The following PAPPA2 variants were observed in gnomAD, a reference collection of about 807,000 sequenced individuals.
The protein encoded by PAPPA2 is pappalysin-2.
PAPPA2 carries 86 observed loss-of-function variants against 176.4 expected under a neutral mutation model. That is an observed-to-expected ratio of 0.49 (90% CI 0.41 to 0.58). The LOEUF (loss-of-function observed/expected upper bound fraction) is 0.58. Among genes scored for constraint, PAPPA2 ranks in the 20% least tolerant of loss-of-function variants. PAPPA2 has a pLI of 0.00. For synonymous variants in PAPPA2, 809 were observed against 852.2 expected (o/e 0.95, Z 0.88); for missense variants, 2,073 against 2,256.9 (o/e 0.92, Z 1.65).
chr1:176,736,087 A>G lies in PAPPA2; in HGVS notation c.3799-3539A>G, dbSNP rs79567933. On this transcript the variant is annotated intron_variant, in intron 12 of 22. Coordinates refer to ENST00000367662, the MANE Select transcript of PAPPA2 (RefSeq NM_020318.3). Reference sequence around the variant, plus strand: ...TTTGATTTTTTCTTATGGGGCATCAATGATGCACATCTCAGATCTGAGTAG... The same window carrying G: ...TTTGATTTTTTCTTATGGGGCATCAGTGATGCACATCTCAGATCTGAGTAG... Among the ~76,000 whole-genome samples the G allele has an allele frequency of 3.7e-3, 557 of 152,234 alleles. 4 individuals are homozygous for G. Among genetic ancestry groups the G allele is most frequent in the Non-Finnish European group, 5.8e-3 (394 of 68,008 alleles).
chr1:176,596,285 C>A (rs370032194), intron 3 of PAPPA2, among the ~76,000 whole-genome samples: 1 of 152,198 alleles, frequency 6.6e-6, no homozygotes, highest in Non-Finnish European at 1.5e-5. Context: ...TGATACACAG[C>A]CTCTTAATGC....
intron 14 of PAPPA2, among the ~76,000 whole-genome samples, chr1:176,755,701 C>A (rs966780919): frequency 6.6e-6 from 1 of 152,092 alleles, no homozygotes; most frequent in Admixed American, 6.6e-5. Flanking sequence ...AGGAGAAAAG[C>A]ATTTAGAGTT....
intron 1 of PAPPA2, among the ~76,000 whole-genome samples, chr1:176,499,364 A>T (rs1026646460): frequency 6.6e-6 from 1 of 152,226 alleles, no homozygotes. Context: ...GTAGATAATA[A>T]TTGCCTTAAT....
intron 1 of PAPPA2, among the ~76,000 whole-genome samples, chr1:176,525,778 C>G: frequency 6.6e-6 from 1 of 152,286 alleles, no homozygotes; most frequent in African/African-American, 2.4e-5. Flanking sequence ...AGTCTGGGTC[C>G]CTCTGAAAGT....
chr1:176,696,571 A>G (rs1421195939), intron 7 of PAPPA2, among the ~76,000 whole-genome samples: 1 of 152,218 alleles, frequency 6.6e-6, no homozygotes, highest in Non-Finnish European at 1.5e-5. Flanking sequence ...TAATGCGCCT[A>G]AGACAAATTA....
At chr1:176,516,611 C>A (rs760971212) in intron 1 of PAPPA2, among the ~76,000 whole-genome samples, 1 of 152,130 alleles carries the variant, frequency 6.6e-6, no homozygotes, top group Non-Finnish European at 1.5e-5. Context: ...TTCTGTTCTT[C>A]CATCCCTTCT....
At chr1:176,575,337 T>C (rs1188817770) in intron 2 of PAPPA2, among the ~76,000 whole-genome samples, 1 of 152,224 alleles carries the variant, frequency 6.6e-6, no homozygotes, top group African/African-American at 2.4e-5. Flanking sequence ...ACATTGTCAT[T>C]ATTATTATAA....
intron 4 of PAPPA2, among the ~76,000 whole-genome samples, chr1:176,686,044 T>C (rs1268459549): frequency 2.6e-5 from 4 of 152,160 alleles, no homozygotes; most frequent in African/African-American, 9.7e-5. Flanking sequence ...TAAAACTCAT[T>C]TCCCTAATAA....
intron 17 of PAPPA2, among the ~76,000 whole-genome samples, chr1:176,778,652 T>G (rs1273753265): frequency 6.6e-6 from 1 of 152,212 alleles, no homozygotes; most frequent in Non-Finnish European, 1.5e-5. Flanking sequence ...CATAGCGGTG[T>G]GCCTATACAT....
intron 19 of PAPPA2, 111 bp downstream of exon 19, chr1:176,791,593 G>T: frequency 7.7e-7 from 1 of 1,297,140 alleles, no homozygotes. Flanking sequence ...TTGCTCTGTC[G>T]CCCAGGCTGG....
intron 3 of PAPPA2, among the ~76,000 whole-genome samples, chr1:176,601,579 G>A (rs1275952421): frequency 1.3e-5 from 2 of 152,200 alleles, no homozygotes; most frequent in Non-Finnish European, 1.5e-5. Flanking sequence ...GACTTACCAA[G>A]ATAAAGGAAC....
chr1:176,794,305 T>A (rs1432173300), intron 20 of PAPPA2, among the ~76,000 whole-genome samples: 4 of 152,212 alleles, frequency 2.6e-5, no homozygotes, highest in Non-Finnish European at 4.4e-5. Flanking sequence ...CTCTGTCTGC[T>A]CACCTGCAAG....
At chr1:176,718,366 T>C (rs151028560) in intron 12 of PAPPA2, among the ~76,000 whole-genome samples, 205 of 152,258 alleles carry the variant, frequency 1.3e-3, no homozygotes, top group African/African-American at 4.7e-3. Flanking sequence ...ATTAACCTTT[T>C]ATTAATCTTT....
intron 12 of PAPPA2, among the ~76,000 whole-genome samples, chr1:176,716,772 C>G (rs192531490): frequency 5.3e-5 from 8 of 151,896 alleles, no homozygotes; most frequent in African/African-American, 1.9e-4. Context: ...CCACCATGCC[C>G]GGCTAATTTT....
chr1:176,633,434 C>G (rs1191213364), intron 3 of PAPPA2, among the ~76,000 whole-genome samples: 3 of 152,086 alleles, frequency 2.0e-5, no homozygotes, highest in Admixed American at 6.5e-5. Flanking sequence ...AGTGTTGCAT[C>G]TTGTAAAAAT....
At chr1:176,769,506 A>G in intron 15 of PAPPA2, 101 bp from the exon 16 acceptor site, 2 of 1,270,024 alleles carry the variant, frequency 1.6e-6, no homozygotes, top group Non-Finnish European at 2.2e-6. Flanking sequence ...TCCCGTTTTA[A>G]ATGTTTAGAC....
rs1032294419 is a variant in PAPPA2 at position 176,843,981 on chromosome 1, C to T, written c.*1527C>T. On this transcript the variant is annotated 3_prime_UTR_variant, in exon 23 of 23. Coordinates refer to ENST00000367662, the MANE Select transcript of PAPPA2 (RefSeq NM_020318.3). The stretch of plus-strand genomic sequence containing the variant: ...TTTGTTGTTTTTACCCTTTCTTATC[C>T]AATAGATGGAATGCACATGAAATGA... The T allele has an allele frequency of 6.6e-6, 1 of 152,046 alleles. No homozygotes were observed. Among genetic ancestry groups the T allele is most frequent in the Non-Finnish European group, 1.5e-5 (1 of 67,992 alleles). The allele number at this position is 152,046 out of a possible 1,614,324, so 9.4% of individuals were successfully genotyped here. A position where few individuals can be genotyped will look rare whatever the true frequency, so the allele number is the denominator to read the frequency against.
intron 1 of PAPPA2, among the ~76,000 whole-genome samples, chr1:176,472,818 G>A (rs1196655135): frequency 6.6e-6 from 1 of 152,004 alleles, no homozygotes; most frequent in Non-Finnish European, 1.5e-5. Flanking sequence ...TTTTCTGTCT[G>A]CATTTGTCTC....
At chr1:176,790,014 G>T (rs1384239111) in intron 18 of PAPPA2, 37 bp downstream of exon 18, 20 of 1,605,096 alleles carry the variant, frequency 1.2e-5, no homozygotes, top group Non-Finnish European at 1.6e-5. Context: ...TCATCAGGCT[G>T]TGCTCTAATC....
Sources: gnomAD v4.1 joint callset for allele counts (sites outside exome capture counted in the v4.1 genomes callset) on GRCh38, gnomAD v4.1.1 for gene constraint, MANE v1.5 for transcripts, NCBI Gene and HGNC (gene_info 2026-07-23, HGNC 2026-07-21) for gene names.